STRBP: variants seen among roughly 807,000 people sequenced by gnomAD.
STRBP encodes the protein spermatid perinuclear RNA-binding protein.
Under a neutral mutation model 80.1 loss-of-function variants are expected in STRBP, and 13 were observed. The ratio of observed to expected loss-of-function variants is 0.16; its 90% CI spans 0.11 to 0.26. The LOEUF (loss-of-function observed/expected upper bound fraction) is 0.26, where lower values mean the gene tolerates loss of function less well. STRBP is among the 10% of genes least tolerant of loss of function. The pLI is 1.00. For synonymous variants in STRBP, 284 were observed against 291.2 expected, an observed-to-expected ratio of 0.98 and a Z score of 0.25; for missense variants, 485 against 815.2, an observed-to-expected ratio of 0.59 and a Z score of 4.93.
intron 2 of STRBP, among the ~76,000 whole-genome samples, chr9:123,187,924 G>T (rs2038766776): frequency 6.6e-6 from 1 of 150,664 alleles, no homozygotes. Context: ...ACATTCTATG[G>T]ATTTTTACAA....
At chr9:123,233,819 T>A (rs959281670) in intron 2 of STRBP, among the ~76,000 whole-genome samples, 7 of 152,228 alleles carry the variant, frequency 4.6e-5, no homozygotes, top group Non-Finnish European at 1.5e-5. Flanking sequence ...TAGGTGACTC[T>A]CCTTTCATTG....
chr9:123,123,458 C>T lies in STRBP; in HGVS notation c.*2139G>A. ...GACAGCTCGATTATTTTAAGTAAAG[C>T]AGAGAAATGTAAAAGTTTGCAGCAA... On this transcript the variant is annotated 3_prime_UTR_variant, in exon 19 of 19. Coordinates refer to ENST00000348403, the MANE Select transcript of STRBP (RefSeq NM_018387.5). The T allele has an allele frequency of 1.0e-6, 1 of 983,852 alleles. No homozygotes were observed. Among genetic ancestry groups the T allele is most frequent in the Non-Finnish European group, 1.2e-6 (1 of 829,738 alleles). 60.9% of individuals were successfully genotyped at this position (983,852 alleles called of 1,614,324 possible).
At chr9:123,247,717 T>C (rs1307520116) in intron 1 of STRBP, among the ~76,000 whole-genome samples, 1 of 152,200 alleles carries the variant, frequency 6.6e-6, no homozygotes, top group Non-Finnish European at 1.5e-5. Flanking sequence ...AAAATGCATA[T>C]CACAGTATCT....
intron 12 of STRBP, 67 bp downstream of exon 12, chr9:123,147,711 T>A: frequency 7.9e-7 from 1 of 1,269,670 alleles, no homozygotes; most frequent in Non-Finnish European, 1.1e-6. Context: ...CCTTCACTTT[T>A]AATTTTTCTA....
intron 6 of STRBP, among the ~76,000 whole-genome samples, chr9:123,164,071 G>A (rs2037645279): frequency 6.6e-6 from 1 of 152,160 alleles, no homozygotes; most frequent in South Asian, 2.1e-4. Flanking sequence ...TTTTGAGACA[G>A]AATCTCACTC....
At chr9:123,118,968 C>T (rs1278024815), downstream of STRBP, among the ~76,000 whole-genome samples, 3 of 152,184 alleles carry the variant, frequency 2.0e-5, no homozygotes, top group African/African-American at 4.8e-5. Context: ...AACTTTCCAA[C>T]TGTGTCCAGA....
intron 1 of STRBP, among the ~76,000 whole-genome samples, chr9:123,243,402 G>C (rs922579524): frequency 7.2e-5 from 11 of 152,102 alleles, no homozygotes; most frequent in African/African-American, 2.7e-4. Flanking sequence ...AAAAATCTTT[G>C]GGGCACAGGG....
At chr9:123,250,064 G>A (rs895956359) in intron 1 of STRBP, among the ~76,000 whole-genome samples, 2 of 152,180 alleles carry the variant, frequency 1.3e-5, no homozygotes, top group African/African-American at 2.4e-5. Context: ...GACACAAAAT[G>A]TTCACTGATC....
chr9:123,136,564 T>C lies in STRBP; in HGVS notation c.1498-49A>G, dbSNP rs1418494670. ...GGTTCAATCAAGTAAGATTTTAGAA[T>C]ATTACATTTCTTATTAATACAATTA... is the stretch of plus-strand genomic sequence containing the variant. On this transcript the variant is annotated intron_variant, in intron 14 of 18. Transcript: ENST00000348403. The surrounding 1 kb of genome is among the most constrained non-coding windows in gnomAD (Gnocchi z 4.2). The C allele has an allele frequency of 2.5e-6, 4 of 1,593,314 alleles. No individual in the cohort carries two copies. Among genetic ancestry groups the C allele is most frequent in the Non-Finnish European group, 3.4e-6 (4 of 1,172,102 alleles).
rs761699084 is a variant in STRBP at position 123,136,078 on chromosome 9, T to C, written c.1736A>G (p.Asn579Ser). Residue 579 changes from asparagine (N) to serine (S), a missense_variant, in exon 16 of 19, where the codon AAT becomes AGT. Physicochemically the swap from Asn to Ser is conservative, Grantham distance 46. Coordinates refer to ENST00000348403, the MANE Select transcript of STRBP (RefSeq NM_018387.5). This position sits in a 1 kb window ranked among gnomAD's most constrained non-coding sequence, Gnocchi z 4.2. The part of the protein sequence containing the change: ...AALEKLFSGP[N>S]AANNKKKKII... ...CTTCTTTTTCTTATTATTTGCCGCA[T>C]TGGGTCCAGAAAACAGTTTCTCCAA... The C allele has an allele frequency of 2.2e-5, 36 of 1,614,186 alleles. No individual in the cohort carries two copies. Among genetic ancestry groups the C allele is most frequent in the Non-Finnish European group, 2.5e-5 (29 of 1,180,018 alleles).
chr9:123,146,422 TACC>T (rs893913396), intron 13 of STRBP, among the ~76,000 whole-genome samples: 1 of 151,468 alleles, frequency 6.6e-6, no homozygotes, highest in African/African-American at 2.4e-5. Flanking sequence ...ATGTTAATCG[TACC>T]GCCATTAAAA....
intron 11 of STRBP, among the ~76,000 whole-genome samples, chr9:123,152,561 T>C (rs938057861): frequency 7.2e-5 from 11 of 152,142 alleles, no homozygotes; most frequent in Admixed American, 1.3e-4. Flanking sequence ...GTACAAACTA[T>C]TGACACACAC....
chr9:123,258,736 G>A (rs993494624), intron 1 of STRBP, among the ~76,000 whole-genome samples: 6 of 150,894 alleles, frequency 4.0e-5, no homozygotes, highest in Non-Finnish European at 7.4e-5. Flanking sequence ...CGGAGGCAGA[G>A]CTTGCAGTGA....
chr9:123,122,525 C>A lies in STRBP; in HGVS notation c.*3072G>T, dbSNP rs1429041619. 4.2e-6 allele frequency: 5 copies of A among 1,178,048 alleles called. No individual in the cohort carries two copies. In the African/African-American group the frequency reaches 8.1e-5, roughly 19 times the overall value. 73.0% of individuals were successfully genotyped at this position (1,178,048 alleles called of 1,614,324 possible). The stretch of plus-strand genomic sequence containing the variant: ...CAGGCTAACAATTTGAGAGAGACTA[C>A]AAACGACTTCAGAACTATATAAACT... On this transcript the variant is annotated 3_prime_UTR_variant, in exon 19 of 19. Transcript: ENST00000348403.
chr9:123,136,405 G>A lies in STRBP; in HGVS notation c.1608C>T (p.Ser536=). 6.2e-7 allele frequency: 1 copy of A among 1,614,086 alleles called. No individual in the cohort carries two copies. Among genetic ancestry groups the A allele is most frequent in the Non-Finnish European group, 8.5e-7 (1 of 1,180,018 alleles). The change falls in exon 15 of 19, where the codon AGC becomes AGT. Residue 536 remains serine, a synonymous_variant. Coordinates refer to ENST00000348403, the MANE Select transcript of STRBP (RefSeq NM_018387.5). This position sits in a 1 kb window ranked among gnomAD's most constrained non-coding sequence, Gnocchi z 4.2. ...CCTCCATTACAAAGCGCTTGTCATG[G>A]CTTCCACCAGTCTCTGAGATGAGTT... The part of the protein sequence containing the change: ...KYELISETGG[S]HDKRFVMEVE...
chr9:123,205,847 C>T (rs1239193493), intron 2 of STRBP, among the ~76,000 whole-genome samples: 1 of 152,176 alleles, frequency 6.6e-6, no homozygotes, highest in East Asian at 1.9e-4. Context: ...ATATCTTTGG[C>T]TCAGGTGTTG....
chr9:123,255,449 A>G (rs1452990788), intron 1 of STRBP, among the ~76,000 whole-genome samples: 1 of 152,242 alleles, frequency 6.6e-6, no homozygotes, highest in African/African-American at 2.4e-5. Flanking sequence ...TCAAAGACGT[A>G]AGAAAGGCAC....
chr9:123,207,502 T>TA (rs1330998638), intron 2 of STRBP, among the ~76,000 whole-genome samples: 1 of 152,030 alleles, frequency 6.6e-6, no homozygotes, highest in African/African-American at 2.4e-5. Context: ...TTTTTTAGTA[T>TA]AAAAAACATT....
intron 3 of STRBP, among the ~76,000 whole-genome samples, chr9:123,180,619 A>C (rs1360574510): frequency 6.6e-6 from 1 of 152,254 alleles, no homozygotes; most frequent in Non-Finnish European, 1.5e-5. Context: ...ACCACTAACT[A>C]AAATGAAATA....
Sources: allele counts gnomAD v4.1 joint callset (sites outside exome capture counted in the v4.1 genomes callset), GRCh38; gene constraint gnomAD v4.1.1; non-coding constraint Gnocchi (gnomAD v3.1); transcripts MANE v1.5; gene names NCBI Gene and HGNC (gene_info 2026-07-23, HGNC 2026-07-21).